Variants in ITGA8 observed in about 807,000 individuals in gnomAD.
The protein encoded by ITGA8 is integrin subunit alpha 8.
In ITGA8, 91 loss-of-function variants were observed where a neutral mutation model predicts 142.3. The observed-to-expected ratio is 0.64, with a 90% CI of 0.54 to 0.76. ITGA8 has a LOEUF of 0.76. Ranked by LOEUF, ITGA8 falls within the 30% of genes least tolerant of loss-of-function variation. The pLI is 0.00. For synonymous variants in ITGA8, 505 were observed against 485.2 expected (o/e 1.04, Z -0.54); for missense variants, 1,406 against 1,327.7 (o/e 1.06, Z -0.92).
At position 15,576,905 on chromosome 10, in the gene ITGA8, G is replaced by A. The variant is rs765450148; in HGVS notation, c.2373-1311C>T. ...AGAAGAACAGGGCACAACTTTGCTGGGCTGATACCACAGACATTTCTGCGT... is the reference window on the plus strand; with the variant it reads ...AGAAGAACAGGGCACAACTTTGCTGAGCTGATACCACAGACATTTCTGCGT... On this transcript the variant is annotated intron_variant, in intron 23 of 29. Coordinates refer to ENST00000378076, the MANE Select transcript of ITGA8 (RefSeq NM_003638.3). Among the ~76,000 whole-genome samples the A allele has an allele frequency of 5.9e-5, 9 of 152,214 alleles. No individual in the cohort carries two copies. In the South Asian group the frequency reaches 1.9e-3, roughly 32 times the overall value.
At chr10:15,606,261 C>T (rs758999980) in intron 18 of ITGA8, 24 bp downstream of exon 18, 28 of 1,570,584 alleles carry the variant, frequency 1.8e-5, no homozygotes, top group Admixed American at 1.0e-4. Flanking sequence ...GAGAAAATGC[C>T]GTCAAAGACT....
intron 2 of ITGA8, among the ~76,000 whole-genome samples, chr10:15,710,118 C>A (rs928478420): frequency 6.6e-6 from 1 of 151,838 alleles, no homozygotes; most frequent in Admixed American, 6.6e-5. Flanking sequence ...AATACTTGTT[C>A]ATGGTTTGAA....
chr10:15,640,436 C>G (rs187351444), intron 13 of ITGA8, among the ~76,000 whole-genome samples: 128 of 152,306 alleles, frequency 8.4e-4, no homozygotes, highest in African/African-American at 2.9e-3. Context: ...TTTGAAAAAG[C>G]AGGACCCCAG....
At chr10:15,706,604 A>T (rs1281427511) in intron 2 of ITGA8, among the ~76,000 whole-genome samples, 1 of 151,868 alleles carries the variant, frequency 6.6e-6, no homozygotes, top group Non-Finnish European at 1.5e-5. Context: ...TGCACCTGCT[A>T]ATTTTTTAAC....
intron 27 of ITGA8, among the ~76,000 whole-genome samples, chr10:15,533,848 C>T (rs1833362266): frequency 6.6e-6 from 1 of 152,076 alleles, no homozygotes; most frequent in South Asian, 2.1e-4. Context: ...CACTTCCTTC[C>T]TTTGCCCTTC....
chr10:15,696,353 AC>A (rs1835052613), intron 2 of ITGA8, among the ~76,000 whole-genome samples: 1 of 152,186 alleles, frequency 6.6e-6, no homozygotes, highest in Non-Finnish European at 1.5e-5. Context: ...ATAAACGAAA[AC>A]CAAAGTGAAA....
chr10:15,558,854 G>T (rs1259205383), intron 25 of ITGA8, among the ~76,000 whole-genome samples: 1 of 152,162 alleles, frequency 6.6e-6, no homozygotes, highest in Non-Finnish European at 1.5e-5. Flanking sequence ...TCCATGCTGG[G>T]TCCATCTGCT....
At chr10:15,553,430 C>A (rs1472555075) in intron 26 of ITGA8, among the ~76,000 whole-genome samples, 1 of 150,956 alleles carries the variant, frequency 6.6e-6, no homozygotes, top group Non-Finnish European at 1.5e-5. Flanking sequence ...TTCCATAGTT[C>A]AAACATTTTC....
intron 2 of ITGA8, among the ~76,000 whole-genome samples, chr10:15,700,854 C>T (rs1222663261): frequency 6.6e-6 from 1 of 152,154 alleles, no homozygotes; most frequent in Non-Finnish European, 1.5e-5. Flanking sequence ...TACCCCTTTA[C>T]ATTGTCTTCA....
intron 27 of ITGA8, among the ~76,000 whole-genome samples, chr10:15,547,056 G>C (rs79185076): frequency 0.029 from 4,355 of 151,862 alleles, 161 homozygotes; most frequent in East Asian, 0.14. Context: ...AGACTCAAAG[G>C]GATTTGACCC....
intron 5 of ITGA8, 113 bp from the exon 6 acceptor site, chr10:15,677,750 A>T: frequency 1.0e-6 from 1 of 961,918 alleles, no homozygotes; most frequent in Middle Eastern, 2.2e-4. Flanking sequence ...GTTACACATA[A>T]AAAGCAATTT....
At chr10:15,554,742 TC>T (rs1564349278) in intron 26 of ITGA8, among the ~76,000 whole-genome samples, 5 of 150,504 alleles carry the variant, frequency 3.3e-5, no homozygotes, top group African/African-American at 1.2e-4. Flanking sequence ...TTTCTTTCTT[TC>T]TTTCTTTTTT....
intron 4 of ITGA8, among the ~76,000 whole-genome samples, chr10:15,683,291 AT>A: frequency 2.0e-5 from 1 of 50,754 alleles, no homozygotes; most frequent in South Asian, 1.3e-3. Context: ...CCATCCATCC[AT>A]CCACCCATCC....
chr10:15,644,485 T>G (rs1708162111), intron 12 of ITGA8, among the ~76,000 whole-genome samples: 3 of 19,892 alleles, frequency 1.5e-4, no homozygotes, highest in African/African-American at 2.9e-4. Flanking sequence ...TATATATATA[T>G]ATATATAGAA....
rs565542827 is a variant in ITGA8 at position 15,514,360 on chromosome 10, C to G, written c.*2798G>C. 3 of 152,038 alleles carry G rather than the reference C, an allele frequency of 2.0e-5. No homozygotes were observed. Among genetic ancestry groups the G allele is most frequent in the African/African-American group, 7.2e-5 (3 of 41,414 alleles). The allele number at this position is 152,038 out of a possible 1,614,324, so 9.4% of individuals were successfully genotyped here. A position where few individuals can be genotyped will look rare whatever the true frequency, so the allele number is the denominator to read the frequency against. On this transcript the variant is annotated 3_prime_UTR_variant, in exon 30 of 30. Transcript: ENST00000378076. ...GGTTTGCCTGACCTCAGTTTCCTCC[C>G]TTTCTCCATTTGCTTCCATATTCTT... is the stretch of plus-strand genomic sequence containing the variant.
intron 28 of ITGA8, among the ~76,000 whole-genome samples, chr10:15,526,701 C>T (rs1477901221): frequency 6.6e-6 from 1 of 152,134 alleles, no homozygotes; most frequent in African/African-American, 2.4e-5. Flanking sequence ...TTATCAAGTA[C>T]TTCTAGCTAT....
At chr10:15,629,361 G>C (rs1833643205) in intron 13 of ITGA8, among the ~76,000 whole-genome samples, 1 of 152,014 alleles carries the variant, frequency 6.6e-6, no homozygotes. Context: ...TAAATTGATA[G>C]CATATCTTTA....
Position 15,616,114 on chromosome 10 carries a change from CCTAA to C in ITGA8, c.1445+396_1445+399del, listed in dbSNP as rs1350139607. Among the ~76,000 whole-genome samples the C allele has an allele frequency of 5.0e-4, 76 of 152,230 alleles. 1 individual carries two copies. Among genetic ancestry groups the C allele is most frequent in the African/African-American group, 1.6e-3 (68 of 41,542 alleles). The stretch of plus-strand genomic sequence containing the variant: ...TACCAACTCTTGGAATGTTCTATTC[CCTAA>C]CTTAGTGTCCAGTTTGATTATGGAA... On this transcript the variant is annotated intron_variant, in intron 14 of 29. Coordinates refer to ENST00000378076, the MANE Select transcript of ITGA8 (RefSeq NM_003638.3).
intron 25 of ITGA8, among the ~76,000 whole-genome samples, chr10:15,559,349 G>T (rs1833936322): frequency 6.6e-6 from 1 of 152,184 alleles, no homozygotes; most frequent in East Asian, 1.9e-4. Context: ...GCTTGGTCTG[G>T]GGCCCATCTG....
Sources: allele counts gnomAD v4.1 joint callset (sites outside exome capture counted in the v4.1 genomes callset), GRCh38; gene constraint gnomAD v4.1.1; transcripts MANE v1.5; gene names NCBI Gene and HGNC (gene_info 2026-07-23, HGNC 2026-07-21).